MAP4K5: variants seen among roughly 807,000 people sequenced by gnomAD.
MAP4K5 encodes mitogen-activated protein kinase kinase kinase kinase 5.
In MAP4K5, 82 loss-of-function variants were observed where a neutral mutation model predicts 135.6. That is an observed-to-expected ratio of 0.60 (90% confidence interval 0.51 to 0.73). The LOEUF (loss-of-function observed/expected upper bound fraction) is 0.73. Ranked by LOEUF, MAP4K5 falls within the 30% of genes least tolerant of loss-of-function variation. MAP4K5 has a pLI of 0.00. For missense variants in MAP4K5, 907 were observed against 1,010.9 expected (o/e 0.90, Z 1.39); for synonymous variants, 347 against 335.0 (o/e 1.04, Z -0.39).
At chr14:50,560,501 G>T (rs933406193) in intron 1 of MAP4K5, 2 of 671,518 alleles carry the variant, frequency 3.0e-6, no homozygotes, top group Non-Finnish European at 5.1e-6. Flanking sequence ...CGCTGTCGGG[G>T]TGAGGGCTGC....
At chr14:50,543,970 A>G (rs1037330962) in intron 1 of MAP4K5, among the ~76,000 whole-genome samples, 1 of 152,202 alleles carries the variant, frequency 6.6e-6, no homozygotes, top group Non-Finnish European at 1.5e-5. Context: ...TCTTCAGATC[A>G]CTAAATCAAC....
intron 11 of MAP4K5, among the ~76,000 whole-genome samples, chr14:50,465,964 C>A (rs2036823300): frequency 6.6e-6 from 1 of 152,174 alleles, no homozygotes; most frequent in African/African-American, 2.4e-5. Flanking sequence ...GTCCCAGCTA[C>A]TCGGGAGGCC....
At position 50,545,844 on chromosome 14, in the gene MAP4K5, T is replaced by G. The variant is rs113840635; in HGVS notation, c.-179-3260A>C. On this transcript the variant is annotated intron_variant, in intron 1 of 8. Transcript: ENST00000555216. ...TAGGACGCCAGCTGGTTACATATTA[T>G]GACTCATCCTTGTGCACCTTTTTAA... 3.3e-5 allele frequency among the ~76,000 whole-genome samples: 5 copies of G among 152,346 alleles called. 1 individual carries two copies. Among genetic ancestry groups the G allele is most frequent in the South Asian group, 2.1e-4 (1 of 4,824 alleles).
intron 3 of MAP4K5, among the ~76,000 whole-genome samples, chr14:50,486,800 G>C (rs1479859981): frequency 6.6e-6 from 1 of 151,996 alleles, no homozygotes; most frequent in Non-Finnish European, 1.5e-5. Context: ...GTGTGGTGGT[G>C]GCACCTGTAA....
chr14:50,422,393 A>G (rs925989013), intron 32 of MAP4K5, among the ~76,000 whole-genome samples: 7 of 152,134 alleles, frequency 4.6e-5, no homozygotes, highest in African/African-American at 9.7e-5. Context: ...TCCTTCCTCA[A>G]GTATCTAAAA....
At chr14:50,470,039 G>C (rs2036921973) in intron 9 of MAP4K5, among the ~76,000 whole-genome samples, 1 of 152,164 alleles carries the variant, frequency 6.6e-6, no homozygotes, top group Admixed American at 6.5e-5. Flanking sequence ...GGAGTAAGGA[G>C]AAGTAAACAA....
intron 12 of MAP4K5, 85 bp downstream of exon 12, chr14:50,463,967 T>A: frequency 1.5e-6 from 1 of 681,884 alleles, no homozygotes. Flanking sequence ...CTAACATTTT[T>A]ATCTTAAAAA....
intron 2 of MAP4K5, among the ~76,000 whole-genome samples, chr14:50,518,972 A>C (rs919287911): frequency 6.6e-6 from 1 of 152,216 alleles, no homozygotes; most frequent in Non-Finnish European, 1.5e-5. Context: ...TAGGAAATTT[A>C]GCTCTAGAAA....
intron 2 of MAP4K5, among the ~76,000 whole-genome samples, chr14:50,508,421 A>G (rs2037857964): frequency 6.6e-6 from 1 of 152,182 alleles, no homozygotes; most frequent in South Asian, 2.1e-4. Context: ...TTGTAGGGAC[A>G]TGGATGAAGC....
intron 3 of MAP4K5, among the ~76,000 whole-genome samples, chr14:50,500,775 G>C (rs1177082032): frequency 6.6e-6 from 1 of 152,162 alleles, no homozygotes; most frequent in Non-Finnish European, 1.5e-5. Flanking sequence ...GAGGGAACTT[G>C]CTGACAGACT....
In MAP4K5 at chr14:50,549,333, A is replaced by G. The variant is rs1026264454; in HGVS notation, c.-179-6749T>C. On this transcript the variant is annotated intron_variant, in intron 1 of 8. Transcript: ENST00000555216. ...GTGGGCCACAGCAAAGGCAGCAGGC[A>G]TCTCCATCCTCTATGCAGATATTCT... is the stretch of plus-strand genomic sequence containing the variant. 3.3e-5 allele frequency among the ~76,000 whole-genome samples: 5 copies of G among 152,346 alleles called. No homozygotes were observed. In the East Asian group the frequency reaches 9.6e-4, roughly 29 times the overall value.
At chr14:50,507,099 T>C (rs961396023) in intron 2 of MAP4K5, among the ~76,000 whole-genome samples, 4 of 152,226 alleles carry the variant, frequency 2.6e-5, no homozygotes, top group Non-Finnish European at 5.9e-5. Context: ...TAAAATGTGT[T>C]AGAAGATGAA....
intron 2 of MAP4K5, among the ~76,000 whole-genome samples, chr14:50,507,297 A>C (rs113080550): frequency 6.6e-6 from 1 of 152,170 alleles, no homozygotes; most frequent in Non-Finnish European, 1.5e-5. Flanking sequence ...CTTTTCAAAA[A>C]ACCAGCTCCT....
intron 13 of MAP4K5, among the ~76,000 whole-genome samples, chr14:50,458,585 C>T (rs1054713249): frequency 3.3e-5 from 5 of 152,164 alleles, no homozygotes; most frequent in African/African-American, 9.7e-5. Flanking sequence ...TTTCTATGTT[C>T]TCATTGAAAC....
At chr14:50,486,230 A>G (rs745739735) in intron 3 of MAP4K5, 36 bp from the exon 4 acceptor site, 28 of 723,294 alleles carry the variant, frequency 3.9e-5, no homozygotes, top group Non-Finnish European at 5.1e-5. Context: ...CATGTTACTC[A>G]AAATCTCTAC....
intron 23 of MAP4K5, 36 bp downstream of exon 23, chr14:50,439,977 T>C: frequency 1.0e-5 from 15 of 1,438,192 alleles, no homozygotes; most frequent in Non-Finnish European, 1.4e-5. Flanking sequence ...ATTTCTCTGC[T>C]TATCTATGGT....
intron 31 of MAP4K5, 131 bp downstream of exon 31, chr14:50,425,776 G>A (rs2035832101): frequency 1.9e-6 from 1 of 516,288 alleles, no homozygotes; most frequent in Non-Finnish European, 3.4e-6. Flanking sequence ...TGGCTTTTTT[G>A]TTCTACCAGT....
chr14:50,488,332 G>A (rs992188941), intron 3 of MAP4K5, among the ~76,000 whole-genome samples: 5 of 152,136 alleles, frequency 3.3e-5, no homozygotes, highest in Non-Finnish European at 7.4e-5. Context: ...CTCCTTTGAT[G>A]CCTGAGAATT....
At position 50,462,746 on chromosome 14, in the gene MAP4K5, G is replaced by A; in HGVS notation, c.855C>T (p.Ala285=). Reference sequence around the variant, plus strand: ...CTTTGTCTAACAGTTCAACTGCTAGGGCTCTAGAGAGACCTGGCTGTGCAA... The same window carrying A: ...CTTTGTCTAACAGTTCAACTGCTAGAGCTCTAGAGAGACCTGGCTGTGCAA... The part of the protein sequence containing the change: ...TFVAQPGLSR[A]LAVELLDKVN... The change falls in exon 13 of 33, where the codon GCC becomes GCT. Residue 285 remains alanine, a synonymous_variant. Transcript: ENST00000682126. 1 of 1,607,828 alleles carries A rather than the reference G, an allele frequency of 6.2e-7. No individual in the cohort carries two copies.
Sources: gnomAD v4.1 joint callset for allele counts (sites outside exome capture counted in the v4.1 genomes callset) on GRCh38, gnomAD v4.1.1 for gene constraint, MANE v1.5 for transcripts, NCBI Gene and HGNC (gene_info 2026-07-23, HGNC 2026-07-21) for gene names.